The following LIMCH1 variants were observed in gnomAD, a reference collection of about 807,000 sequenced individuals.
LIMCH1 encodes LIM and calponin homology domains-containing protein 1.
A neutral mutation model predicts 176.5 loss-of-function variants in LIMCH1; 113 were observed. The observed-to-expected ratio is 0.64, with a 90% confidence interval of 0.55 to 0.75. The LOEUF is 0.75. Ranked by LOEUF, LIMCH1 falls within the 30% of genes least tolerant of loss-of-function variation. The pLI, the probability that LIMCH1 is intolerant of heterozygous loss-of-function variation, is 0.00. For synonymous variants in LIMCH1, 619 were observed against 645.9 expected (o/e 0.96, Z 0.63); for missense variants, 1,674 against 1,814.9 (o/e 0.92, Z 1.41).
chr4:41,609,768 T>C, intron 4 of LIMCH1: 1 of 397,690 alleles, frequency 2.5e-6, no homozygotes, highest in South Asian at 1.9e-5. Flanking sequence ...AGATTCTAGA[T>C]GAAAAGCAGA....
Position 41,385,421 on chromosome 4 carries a change from A to G in LIMCH1, c.96+24485A>G, listed in dbSNP as rs182870762. ...TTCTAATGTTTTGAGTGATACAGAA[A>G]TCATCATCATGGGTTTCCTTAAATT... On this transcript the variant is annotated intron_variant, in intron 1 of 26. Coordinates refer to the LIMCH1 transcript ENST00000313860. Among the ~76,000 whole-genome samples, 423 of 152,308 alleles carry G rather than the reference A, an allele frequency of 2.8e-3. 3 individuals carry two copies. The highest frequency in any genetic ancestry group is 9.0e-3 in the African/African-American group (375 of 41,564).
chr4:41,410,181 G>T (rs768591858), intron 1 of LIMCH1, among the ~76,000 whole-genome samples: 17 of 152,028 alleles, frequency 1.1e-4, no homozygotes, highest in Non-Finnish European at 2.2e-4. Flanking sequence ...CCAAGAGGAT[G>T]AATGTATTTT....
At chr4:41,466,022 G>A (rs555142901) in intron 1 of LIMCH1, among the ~76,000 whole-genome samples, 27 of 144,810 alleles carry the variant, frequency 1.9e-4, no homozygotes, top group African/African-American at 6.2e-4. Flanking sequence ...GCAGTGGCAC[G>A]ATCTGGGCTC....
chr4:41,469,244 C>T (rs1338846335), intron 1 of LIMCH1, among the ~76,000 whole-genome samples: 4 of 152,212 alleles, frequency 2.6e-5, no homozygotes, highest in African/African-American at 9.7e-5. Context: ...GACACTCCTC[C>T]TCTTCTGTTG....
At position 41,417,604 on chromosome 4, in the gene LIMCH1, T is replaced by C. The variant is rs186916046; in HGVS notation, c.96+56668T>C. 3.0e-3 allele frequency among the ~76,000 whole-genome samples: 452 copies of C among 152,224 alleles called. 4 individuals carry two copies. The highest frequency in any genetic ancestry group is 0.01 in the African/African-American group (425 of 41,538). ...GGTGTGATTTTGGCTCACTGCAATC[T>C]CCACCTCCTGGGCTCAAGTGATCCT... On this transcript the variant is annotated intron_variant, in intron 1 of 26. Transcript: ENST00000313860.
At position 41,538,343 on chromosome 4, in the gene LIMCH1, G is replaced by T. The variant is rs574413333; in HGVS notation, c.-248G>T. 3.2e-4 allele frequency: 316 copies of T among 985,184 alleles called. No homozygotes were observed. The highest frequency in any genetic ancestry group is 3.7e-4 in the Non-Finnish European group (310 of 829,884). The allele number at this position is 985,184 out of a possible 1,614,324, so 61.0% of individuals were successfully genotyped here. Reference sequence around the variant, plus strand: ...GGAGTTCATTGCGGAGCATGAGGACGTGTGGGGGTAAGTAAAATTCATTAT... The same window carrying T: ...GGAGTTCATTGCGGAGCATGAGGACTTGTGGGGGTAAGTAAAATTCATTAT... On this transcript the variant is annotated 5_prime_UTR_variant, in exon 1 of 32. Coordinates refer to ENST00000503057, the MANE Select transcript of LIMCH1 (RefSeq NM_001330672.2).
intron 7 of LIMCH1, among the ~76,000 whole-genome samples, chr4:41,621,524 TAG>T (rs2092577863): frequency 6.6e-6 from 1 of 150,576 alleles, no homozygotes; most frequent in Non-Finnish European, 1.5e-5. Flanking sequence ...TTTTTTGAGA[TAG>T]AGTCTCACTC....
At chr4:41,419,636 TCCTTCCTTTCTTCC>T (rs1193145217) in intron 1 of LIMCH1, among the ~76,000 whole-genome samples, 1,324 of 69,208 alleles carry the variant, frequency 0.019, 27 homozygotes, top group African/African-American at 0.06. Context: ...CCTTCCTTCC[TCCTTCCTTTCTTCC>T]TCCTTCCTTC....
At chr4:41,398,199 T>C (rs1169141539) in intron 1 of LIMCH1, among the ~76,000 whole-genome samples, 1 of 150,654 alleles carries the variant, frequency 6.6e-6, no homozygotes, top group Admixed American at 6.6e-5. Flanking sequence ...GTTTCTATTA[T>C]TTTTATTTTA....
At chr4:41,391,741 G>A (rs1196658551) in intron 1 of LIMCH1, among the ~76,000 whole-genome samples, 1 of 152,102 alleles carries the variant, frequency 6.6e-6, no homozygotes, top group Non-Finnish European at 1.5e-5. Flanking sequence ...GTCGTAAAAA[G>A]CAAGCAAAGA....
chr4:41,673,432 G>C (rs1032329972), intron 22 of LIMCH1, among the ~76,000 whole-genome samples: 2 of 152,200 alleles, frequency 1.3e-5, no homozygotes, highest in African/African-American at 4.8e-5. Flanking sequence ...ATAAGAAAGA[G>C]ACAAATCACT....
intron 1 of LIMCH1, among the ~76,000 whole-genome samples, chr4:41,488,857 ATTCTTTCCT>A (rs1260896843): frequency 6.6e-6 from 1 of 152,140 alleles, no homozygotes; most frequent in Non-Finnish European, 1.5e-5. Context: ...ATTGGGAACT[ATTCTTTCCT>A]TTTCAATTAT....
At chr4:41,675,246 C>T (rs1585737194) in intron 22 of LIMCH1, among the ~76,000 whole-genome samples, 3 of 151,780 alleles carry the variant, frequency 2.0e-5, no homozygotes, top group African/African-American at 7.3e-5. Flanking sequence ...GCCAGCCCAC[C>T]CGCCATGCAC....
intron 1 of LIMCH1, among the ~76,000 whole-genome samples, chr4:41,443,939 C>T (rs1373588508): frequency 1.3e-5 from 2 of 152,158 alleles, no homozygotes; most frequent in Admixed American, 6.5e-5. Flanking sequence ...AACTCGTAGA[C>T]TCAAGGAAAG....
chr4:41,569,397 C>T (rs960864286), intron 1 of LIMCH1, among the ~76,000 whole-genome samples: 4 of 152,084 alleles, frequency 2.6e-5, no homozygotes, highest in Non-Finnish European at 5.9e-5. Flanking sequence ...ACATTTTGCC[C>T]GAAGTTGGAG....
intron 1 of LIMCH1, among the ~76,000 whole-genome samples, chr4:41,419,681 C>CTCCT (rs765992303): frequency 0.054 from 3,053 of 56,068 alleles, 130 homozygotes; most frequent in Middle Eastern, 0.14. Flanking sequence ...TCCTTCCTTC[C>CTCCT]TCCTTCCTTC....
At chr4:41,413,502 T>A (rs1372248121) in intron 1 of LIMCH1, among the ~76,000 whole-genome samples, 1 of 151,564 alleles carries the variant, frequency 6.6e-6, no homozygotes, top group East Asian at 1.9e-4. Context: ...GCTATTTTTT[T>A]TTTTTTTGTA....
At chr4:41,586,248 A>G (rs986612145) in intron 1 of LIMCH1, among the ~76,000 whole-genome samples, 6 of 151,914 alleles carry the variant, frequency 3.9e-5, no homozygotes, top group African/African-American at 9.7e-5. Context: ...AGCTGGGACT[A>G]TAGGCACATG....
intron 2 of LIMCH1, among the ~76,000 whole-genome samples, chr4:41,501,352 C>T (rs1445948653): frequency 6.6e-6 from 1 of 152,214 alleles, no homozygotes; most frequent in Non-Finnish European, 1.5e-5. Flanking sequence ...TTTAGAATCT[C>T]ATGTCTTTTG....
Sources: allele counts gnomAD v4.1 joint callset (sites outside exome capture counted in the v4.1 genomes callset), GRCh38; gene constraint gnomAD v4.1.1; transcripts MANE v1.5; gene names NCBI Gene and HGNC (gene_info 2026-07-23, HGNC 2026-07-21).